The following TIMM17A variants were observed in gnomAD, a reference collection of about 807,000 sequenced individuals.
The protein encoded by TIMM17A is mitochondrial import inner membrane translocase subunit Tim17-A.
TIMM17A carries 15 observed loss-of-function variants against 26.5 expected under a neutral mutation model. The observed-to-expected ratio is 0.57, with a 90% confidence interval of 0.38 to 0.87. The LOEUF (loss-of-function observed/expected upper bound fraction) is 0.87, where lower values mean the gene tolerates loss of function less well. Ranked by LOEUF, TIMM17A falls within the 40% of genes least tolerant of loss-of-function variation. The pLI, the probability that TIMM17A is intolerant of heterozygous loss-of-function variation, is 0.00. For missense variants in TIMM17A, 201 were observed against 210.0 expected (o/e 0.96, Z 0.27); for synonymous variants, 80 against 70.8 (o/e 1.13, Z -0.66).
intron 3 of TIMM17A, chr1:201,963,389 T>G (rs762333374): frequency 2.4e-5 from 10 of 422,562 alleles, no homozygotes; most frequent in Non-Finnish European, 3.3e-5. Flanking sequence ...TTATTTCTTA[T>G]AGGCTTTGGG....
chr1:201,967,015 G>GTGTGTGTATA (rs59893489), intron 5 of TIMM17A, among the ~76,000 whole-genome samples: 30 of 118,836 alleles, frequency 2.5e-4, no homozygotes, highest in Non-Finnish European at 4.4e-4. Flanking sequence ...GTGTGTGTGT[G>GTGTGTGTATA]TATATATATA....
intron 1 of TIMM17A, among the ~76,000 whole-genome samples, chr1:201,955,782 G>A (rs1682398872): frequency 6.6e-6 from 1 of 152,194 alleles, no homozygotes; most frequent in Non-Finnish European, 1.5e-5. Flanking sequence ...GTGTGACCTT[G>A]TGATGGATGG....
chr1:201,957,089 A>C (rs1488282413), intron 1 of TIMM17A, among the ~76,000 whole-genome samples, 192 bp from the exon 2 acceptor site: 1 of 152,220 alleles, frequency 6.6e-6, no homozygotes. Flanking sequence ...TTTGTAGTCA[A>C]AACTGCTTTG....
At chr1:201,965,144 G>T (rs975871488) in intron 4 of TIMM17A, among the ~76,000 whole-genome samples, 1 of 151,992 alleles carries the variant, frequency 6.6e-6, no homozygotes, top group Non-Finnish European at 1.5e-5. Flanking sequence ...TAGAGACGGG[G>T]TTTCCCCATG....
At chr1:201,960,411 A>AT (rs1558250094) in intron 3 of TIMM17A, among the ~76,000 whole-genome samples, 1 of 152,126 alleles carries the variant, frequency 6.6e-6, no homozygotes, top group Non-Finnish European at 1.5e-5. Flanking sequence ...AAAAAAAAAA[A>AT]TAGTAATGTG....
At chr1:201,956,427 C>T (rs2820307) in intron 1 of TIMM17A, among the ~76,000 whole-genome samples, 139,230 of 152,206 alleles carry the variant, frequency 0.91, 64,992 homozygotes, top group East Asian at 1. Flanking sequence ...CCTTAAATTA[C>T]TACTCTGGTA....
At chr1:201,960,112 T>C (rs11807466) in intron 3 of TIMM17A, among the ~76,000 whole-genome samples, 1,978 of 149,148 alleles carry the variant, frequency 0.013, 39 homozygotes, top group African/African-American at 0.047. Context: ...TTAATAGTAA[T>C]GTGTCGGCCG....
chr1:201,964,617 ATTTAT>A (rs1488489702), intron 4 of TIMM17A, among the ~76,000 whole-genome samples: 110 of 100,996 alleles, frequency 1.1e-3, no homozygotes, highest in Middle Eastern at 4.9e-3. Flanking sequence ...TTATTTATTT[ATTTAT>A]TTTATTTTAT....
intron 3 of TIMM17A, among the ~76,000 whole-genome samples, chr1:201,958,238 G>A (rs1571603033): frequency 6.6e-6 from 1 of 152,206 alleles, no homozygotes; most frequent in South Asian, 2.1e-4. Flanking sequence ...TCATGCAGGA[G>A]AAACCCATCA....
At chr1:201,968,756 T>C (rs1682681449) in intron 5 of TIMM17A, among the ~76,000 whole-genome samples, 1 of 152,236 alleles carries the variant, frequency 6.6e-6, no homozygotes. Context: ...TAAAAATATA[T>C]GAGTGAAACA....
At chr1:201,958,624 C>T (rs547493043) in intron 3 of TIMM17A, among the ~76,000 whole-genome samples, 2 of 152,280 alleles carry the variant, frequency 1.3e-5, no homozygotes, top group East Asian at 3.9e-4. Flanking sequence ...TCACTTGAAC[C>T]CATGAGGTTG....
intron 1 of TIMM17A, among the ~76,000 whole-genome samples, chr1:201,956,174 G>A (rs1438927483): frequency 1.3e-5 from 2 of 152,320 alleles, no homozygotes; most frequent in Admixed American, 1.3e-4. Flanking sequence ...GTAATAGCAT[G>A]TGTTCTCTGA....
chr1:201,957,173 TG>T, intron 1 of TIMM17A, 107 bp from the exon 2 acceptor site: 1 of 674,840 alleles, frequency 1.5e-6, no homozygotes, highest in Non-Finnish European at 2.6e-6. Context: ...TTGGTTGCAG[TG>T]GGCCCTGCAG....
Position 201,969,916 on chromosome 1 carries a change from A to G in TIMM17A, c.*362A>G, listed in dbSNP as rs1682704496. 1 of 167,442 alleles carries G rather than the reference A, an allele frequency of 6.0e-6. No individual in the cohort carries two copies. The highest frequency in any genetic ancestry group is 2.4e-5 in the African/African-American group (1 of 41,728). 10.4% of individuals were successfully genotyped at this position (167,442 alleles called of 1,614,324 possible). A position where few individuals can be genotyped will look rare whatever the true frequency, so the allele number is the denominator to read the frequency against. On this transcript the variant is annotated 3_prime_UTR_variant, in exon 6 of 6. Transcript: ENST00000367287. ...TTTTGTGTGTTCTGTTATTCAAACA[A>G]TAAAAAGCTGGTGGAACTTACTCTT...
rs1423891549 is a variant in TIMM17A, at chr1:201,965,433, A to C, written c.320A>C (p.Asn107Thr). 2 of 1,598,052 alleles carry C rather than the reference A, an allele frequency of 1.3e-6. No individual in the cohort carries two copies. Among genetic ancestry groups the C allele is most frequent in the Non-Finnish European group, 1.7e-6 (2 of 1,165,344 alleles). Reference sequence around the variant, plus strand: ...ATCTCTTTGTTATTAATGTCTTCAGATGGACCAGTGGCCATGGTTGGGTCA... The same window carrying C: ...ATCTCTTTGTTATTAATGTCTTCAGCTGGACCAGTGGCCATGGTTGGGTCA... The part of the protein sequence containing the change: ...ALTGAILAAR[N>T]GPVAMVGSAA... The change falls in exon 5 of 6, where the codon AAT becomes ACT. Residue 107 changes from asparagine to threonine, a missense_variant and splice_region_variant. Transcript: ENST00000367287.
chr1:201,961,504 A>T (rs1303364666), intron 3 of TIMM17A, among the ~76,000 whole-genome samples: 1 of 152,158 alleles, frequency 6.6e-6, no homozygotes, highest in Non-Finnish European at 1.5e-5. Context: ...TGGGCAGGGC[A>T]GCTTTTCCTG....
In TIMM17A at chr1:201,963,688, A is replaced by T; in HGVS notation, c.263A>T (p.Asp88Val). ...CSMVQVRGKE[D>V]PWNSITSGAL... is the part of the protein sequence containing the mutation. ...ATGGTTCAAGTCAGAGGAAAGGAAGATCCCTGGAACTCCATCACAAGTGGT... is the reference window on the plus strand; with the variant it reads ...ATGGTTCAAGTCAGAGGAAAGGAAGTTCCCTGGAACTCCATCACAAGTGGT... Residue 88 changes from aspartate (D) to valine (V), a missense_variant, in exon 4 of 6, where the codon GAT becomes GTT. Coordinates refer to ENST00000367287, the MANE Select transcript of TIMM17A (RefSeq NM_006335.3). 1 of 1,612,148 alleles carries T rather than the reference A, an allele frequency of 6.2e-7. No individual in the cohort carries two copies. The highest frequency in any genetic ancestry group is 8.5e-7 in the Non-Finnish European group (1 of 1,179,532).
rs1258139261 is a variant in TIMM17A at position 201,963,719 on chromosome 1, A to G, written c.294A>G (p.Leu98=). Residue 98 remains leucine (L), a synonymous_variant, in exon 4 of 6, where the codon TTA becomes TTG. Transcript: ENST00000367287. ...GGAACTCCATCACAAGTGGTGCCTT[A>G]ACGGGAGCCATACTGGCAGCAAGAA... The part of the protein sequence containing the change: ...DPWNSITSGA[L]TGAILAARNG... 2.5e-6 allele frequency: 4 copies of G among 1,610,276 alleles called. No individual in the cohort carries two copies. The highest frequency in any genetic ancestry group is 3.4e-6 in the Non-Finnish European group (4 of 1,179,124).
intron 3 of TIMM17A, among the ~76,000 whole-genome samples, chr1:201,959,864 G>A (rs1682491761): frequency 6.6e-6 from 1 of 151,714 alleles, no homozygotes; most frequent in Admixed American, 6.6e-5. Flanking sequence ...AGCCGGGCAT[G>A]GTGACGGGCG....
Sources: gnomAD v4.1 joint callset for allele counts (sites outside exome capture counted in the v4.1 genomes callset) on GRCh38, gnomAD v4.1.1 for gene constraint, MANE v1.5 for transcripts, NCBI Gene and HGNC (gene_info 2026-07-23, HGNC 2026-07-21) for gene names.